URI1: variants seen among roughly 807,000 people sequenced by gnomAD.
URI1 encodes the protein URI1 prefoldin like chaperone.
A neutral mutation model predicts 60.2 loss-of-function variants in URI1; 39 were observed. The observed-to-expected ratio is 0.65, with a 90% confidence interval of 0.50 to 0.85. URI1 has a LOEUF of 0.85. Ranked by LOEUF, URI1 falls within the 40% of genes least tolerant of loss-of-function variation. The probability of loss-of-function intolerance (pLI) is 0.00; values close to 1 mark genes in which losing one functional copy is unlikely to be tolerated. For synonymous variants in URI1, 251 were observed against 236.8 expected, an observed-to-expected ratio of 1.06 and a Z score of -0.55; for missense variants, 691 against 665.9, an observed-to-expected ratio of 1.04 and a Z score of -0.42.
chr19:29,936,397 C>G (rs2054973025), intron 1 of URI1, among the ~76,000 whole-genome samples: 1 of 152,208 alleles, frequency 6.6e-6, no homozygotes, highest in African/African-American at 2.4e-5. Context: ...GCCACTGCAC[C>G]CAGCCCCTCT....
At chr19:30,006,615 G>T (rs988602457) in intron 6 of URI1, among the ~76,000 whole-genome samples, 1 of 152,062 alleles carries the variant, frequency 6.6e-6, no homozygotes, top group Non-Finnish European at 1.5e-5. Flanking sequence ...AGAGAATAAG[G>T]CTGTGAAACA....
chr19:29,962,236 A>T (rs1304101395), intron 1 of URI1, among the ~76,000 whole-genome samples: 1 of 148,182 alleles, frequency 6.7e-6, no homozygotes, highest in African/African-American at 2.5e-5. Context: ...GTTCTAATTG[A>T]TGTACTTTTA....
intron 4 of URI1, among the ~76,000 whole-genome samples, chr19:29,991,444 T>A (rs756453712): frequency 6.6e-6 from 1 of 152,234 alleles, no homozygotes; most frequent in Non-Finnish European, 1.5e-5. Context: ...AAAAAAGAAT[T>A]AACATTGTAT....
At chr19:29,960,741 A>G (rs569557552) in intron 1 of URI1, among the ~76,000 whole-genome samples, 45 of 152,340 alleles carry the variant, frequency 3.0e-4, no homozygotes, top group African/African-American at 9.9e-4. Context: ...ATTTTAAGCC[A>G]TTATATGTAG....
At chr19:29,924,355 T>C (rs1003430627) in intron 1 of URI1, among the ~76,000 whole-genome samples, 2 of 152,126 alleles carry the variant, frequency 1.3e-5, no homozygotes, top group Non-Finnish European at 2.9e-5. Context: ...TACAATGGTT[T>C]TACCAGCCTC....
At chr19:29,948,859 C>T (rs990623826) in intron 1 of URI1, among the ~76,000 whole-genome samples, 1 of 152,236 alleles carries the variant, frequency 6.6e-6, no homozygotes. Flanking sequence ...TTGGGTACAC[C>T]TGCCACACGG....
At chr19:29,934,330 A>G (rs1166211517) in intron 1 of URI1, among the ~76,000 whole-genome samples, 1 of 152,180 alleles carries the variant, frequency 6.6e-6, no homozygotes, top group Non-Finnish European at 1.5e-5. Flanking sequence ...TTAGTTTGCT[A>G]GGGCCATGAT....
chr19:29,943,114 T>G (rs993822566), intron 1 of URI1, among the ~76,000 whole-genome samples: 1 of 151,816 alleles, frequency 6.6e-6, no homozygotes, highest in South Asian at 2.1e-4. Context: ...ATAATGCCAT[T>G]TAAACATTAA....
At chr19:29,978,315 C>CCAT (rs1336188818) in intron 2 of URI1, among the ~76,000 whole-genome samples, 1 of 152,074 alleles carries the variant, frequency 6.6e-6, no homozygotes. Flanking sequence ...TCCTTGATGA[C>CCAT]GACGTGTTTC....
Position 30,007,611 on chromosome 19 carries a change from A to G in URI1, c.659A>G (p.Gln220Arg), listed in dbSNP as rs766679979. ...LWARLEELER[Q>R]EELLGELDSK... ...GCTCGACTTGAAGAACTAGAGAGAC[A>G]GGAAGAATTGCTGGGTGAACTTGAT... Residue 220 changes from glutamine (Q) to arginine (R), a missense_variant, in exon 7 of 11, where the codon CAG (glutamine) becomes CGG (arginine). Coordinates refer to ENST00000392271, the MANE Select transcript of URI1 (RefSeq NM_003796.3). 3.1e-6 allele frequency: 5 copies of G among 1,609,382 alleles called. No homozygotes were observed. The highest frequency in any genetic ancestry group is 1.1e-5 in the South Asian group (1 of 90,468).
intron 1 of URI1, among the ~76,000 whole-genome samples, chr19:29,970,212 G>C (rs447973): frequency 7.3e-6 from 1 of 136,108 alleles, no homozygotes; most frequent in Non-Finnish European, 1.5e-5. Context: ...TTGGTATTTA[G>C]AGCAGTGAAC....
intron 1 of URI1, among the ~76,000 whole-genome samples, chr19:29,924,859 GA>G (rs1480278969): frequency 6.6e-6 from 1 of 152,082 alleles, no homozygotes; most frequent in Non-Finnish European, 1.5e-5. Flanking sequence ...TTTTTTAGAT[GA>G]AGTCTCCCTT....
chr19:29,936,010 A>C (rs2054968781), intron 1 of URI1, among the ~76,000 whole-genome samples: 1 of 152,056 alleles, frequency 6.6e-6, no homozygotes. Flanking sequence ...CTGGTCTAGA[A>C]TGCCTGACCT....
At chr19:29,942,689 C>A in intron 1 of URI1, 25 bp downstream of exon 1, 1 of 1,357,806 alleles carries the variant, frequency 7.4e-7, no homozygotes, top group Non-Finnish European at 9.5e-7. Flanking sequence ...CGCGCCGCTT[C>A]CGCCTCCGCC....
At chr19:29,927,487 C>T (rs1372702876) in intron 1 of URI1, among the ~76,000 whole-genome samples, 1 of 150,802 alleles carries the variant, frequency 6.6e-6, no homozygotes, top group Non-Finnish European at 1.5e-5. Flanking sequence ...GTTTTGAACT[C>T]CTGACCTCAG....
At chr19:29,956,809 C>T (rs1453047791) in intron 1 of URI1, 5 of 1,594,472 alleles carry the variant, frequency 3.1e-6, no homozygotes, top group Non-Finnish European at 3.4e-6. Context: ...TGTTACCCGA[C>T]CATTTGTCAA....
intron 2 of URI1, chr19:29,983,390 A>T (rs944253223): frequency 6.6e-6 from 1 of 152,172 alleles, no homozygotes; most frequent in African/African-American, 2.4e-5. Context: ...ATTCCTTAAG[A>T]TCTTAAGACT....
At chr19:29,964,080 C>T (rs1024040695) in intron 1 of URI1, among the ~76,000 whole-genome samples, 1 of 152,084 alleles carries the variant, frequency 6.6e-6, no homozygotes, top group African/African-American at 2.4e-5. Flanking sequence ...CTGCTTGTTT[C>T]TTTCTGCTAG....
chr19:29,944,188 T>TATATATA (rs2055074216), intron 1 of URI1, among the ~76,000 whole-genome samples: 1 of 101,640 alleles, frequency 9.8e-6, no homozygotes, highest in Non-Finnish European at 1.9e-5. Flanking sequence ...TATATATATA[T>TATATATA]ATATAAAACT....
Sources: allele counts gnomAD v4.1 joint callset (sites outside exome capture counted in the v4.1 genomes callset), GRCh38; gene constraint gnomAD v4.1.1; transcripts MANE v1.5; gene names NCBI Gene and HGNC (gene_info 2026-07-23, HGNC 2026-07-21).